ADAMTS2: variants seen among roughly 807,000 people sequenced by gnomAD.
ADAMTS2 encodes the protein ADAM metallopeptidase with thrombospondin type 1 motif 2.
ADAMTS2 carries 50 observed loss-of-function variants against 123.0 expected under a neutral mutation model. That is an observed-to-expected ratio of 0.41 (90% confidence interval 0.32 to 0.51). The LOEUF (loss-of-function observed/expected upper bound fraction) is 0.51, where lower values mean the gene tolerates loss of function less well. ADAMTS2 is among the 20% of genes least tolerant of loss of function. The pLI, the probability that ADAMTS2 is intolerant of heterozygous loss-of-function variation, is 0.35. For missense variants in ADAMTS2, 1,494 were observed against 1,705.2 expected (o/e 0.88, Z 2.18); for synonymous variants, 678 against 695.4 (o/e 0.98, Z 0.39).
chr5:179,257,869 T>C (rs931120681), intron 3 of ADAMTS2, among the ~76,000 whole-genome samples: 1 of 152,258 alleles, frequency 6.6e-6, no homozygotes, highest in South Asian at 2.1e-4. Context: ...TCACAAATTT[T>C]GAATTAGCTG....
intron 2 of ADAMTS2, among the ~76,000 whole-genome samples, chr5:179,280,819 A>G (rs183165811): frequency 6.4e-4 from 97 of 152,320 alleles, no homozygotes; most frequent in African/African-American, 2.2e-3. Flanking sequence ...TTAAAATGCA[A>G]CTGAAAAGGG....
rs1275622445 is a variant in ADAMTS2, at chr5:179,242,854, G to C, written c.688+30057C>G. Among the ~76,000 whole-genome samples, 1 of 152,202 alleles carries C rather than the reference G, an allele frequency of 6.6e-6. No homozygotes were observed. Among genetic ancestry groups the C allele is most frequent in the Non-Finnish European group, 1.5e-5 (1 of 68,036 alleles). On this transcript the variant is annotated intron_variant, in intron 3 of 21. Transcript: ENST00000251582. The surrounding 1 kb of genome is among the most constrained non-coding windows in gnomAD (Gnocchi z 4.2). ...TCCCAGTGACAGAGGGTAACTCCCT[G>C]CTGAGTGTGACCGAAAGGCCGGAGC...
chr5:179,127,516 G>T (rs577473261), intron 17 of ADAMTS2, among the ~76,000 whole-genome samples: 1 of 152,228 alleles, frequency 6.6e-6, no homozygotes, highest in East Asian at 1.9e-4. Flanking sequence ...AGAGTGGGTA[G>T]GACCCCTCTG....
rs756895686 is a variant in ADAMTS2, at chr5:179,117,901, C to A, written c.3179-3577G>T. Among the ~76,000 whole-genome samples the A allele has an allele frequency of 2.6e-5, 4 of 152,152 alleles. No homozygotes were observed. The highest frequency in any genetic ancestry group is 5.9e-5 in the Non-Finnish European group (4 of 68,030). ...CAGAGCTGAGTCCTGTGACAGAGAC[C>A]ATGTGGGCTCCAATGCCCAAAATAT... On this transcript the variant is annotated intron_variant, in intron 21 of 21. Coordinates refer to ENST00000251582, the MANE Select transcript of ADAMTS2 (RefSeq NM_014244.5). The surrounding 1 kb of genome is among the most constrained non-coding windows in gnomAD (Gnocchi z 4.2).
At position 179,125,149 on chromosome 5, in the gene ADAMTS2, G is replaced by A; in HGVS notation, c.2782C>T (p.Gln928Ter). The A allele has an allele frequency of 6.2e-7, 1 of 1,612,884 alleles. No individual in the cohort carries two copies. The highest frequency in any genetic ancestry group is 8.5e-7 in the Non-Finnish European group (1 of 1,179,924). The change falls in exon 19 of 22, where the codon CAG becomes TAG. Residue 928 changes from glutamine (Q) to a stop codon, truncating the protein, a stop_gained. Transcript: ENST00000251582. LOFTEE classifies it high-confidence loss of function. ...TGCATGCCTGTCCGCCCACAGGTCT[G>A]GCTACATGGCTCCCATTCGCCTGTG... ...WVTGEWEPCS[Q>*]TCGRTGMQVR... is the part of the protein sequence containing the mutation.
intron 5 of ADAMTS2, among the ~76,000 whole-genome samples, chr5:179,166,719 T>C (rs944659077): frequency 6.6e-6 from 1 of 152,178 alleles, no homozygotes; most frequent in South Asian, 2.1e-4. Flanking sequence ...ATGGGGCACC[T>C]ACTGGGGATG....
In ADAMTS2 at chr5:179,128,243, T is replaced by C. The variant is rs1191788616; in HGVS notation, c.2458-125A>G. 2 of 1,253,706 alleles carry C rather than the reference T, an allele frequency of 1.6e-6. No homozygotes were observed. Among genetic ancestry groups the C allele is most frequent in the Non-Finnish European group, 2.3e-6 (2 of 887,574 alleles). 77.7% of individuals were successfully genotyped at this position (1,253,706 alleles called of 1,614,324 possible). ...CATCATTCATGGCAGTTACATTCCA[T>C]GAAGTCGCCCCGAGCACCAAATTCT... On this transcript the variant is annotated intron_variant, in intron 16 of 21. Coordinates refer to ENST00000251582, the MANE Select transcript of ADAMTS2 (RefSeq NM_014244.5). This position sits in a 1 kb window ranked among gnomAD's most constrained non-coding sequence, Gnocchi z 4.9.
rs1765686068 is a variant in ADAMTS2 at position 179,242,222 on chromosome 5, GGA to G, written c.688+30687_688+30688del. Among the ~76,000 whole-genome samples, 1 of 152,346 alleles carries G rather than the reference GGA, an allele frequency of 6.6e-6. No individual in the cohort carries two copies. The highest frequency in any genetic ancestry group is 2.4e-5 in the African/African-American group (1 of 41,568). On this transcript the variant is annotated intron_variant, in intron 3 of 21. Coordinates refer to ENST00000251582, the MANE Select transcript of ADAMTS2 (RefSeq NM_014244.5). This position sits in a 1 kb window ranked among gnomAD's most constrained non-coding sequence, Gnocchi z 4.2. ...AGAAGAGAGCCAAGTCCTAGGAGGAGGAGAGACGCTGAGCCTTGGCAGCCTCG... is the reference window on the plus strand; with the variant it reads ...AGAAGAGAGCCAAGTCCTAGGAGGAGGAGACGCTGAGCCTTGGCAGCCTCG...
At position 179,234,400 on chromosome 5, in the gene ADAMTS2, GCTC is replaced by G. The variant is rs1005027831; in HGVS notation, c.689-26688_689-26686del. Among the ~76,000 whole-genome samples, 1 of 152,098 alleles carries G rather than the reference GCTC, an allele frequency of 6.6e-6. No individual in the cohort carries two copies. Among genetic ancestry groups the G allele is most frequent in the African/African-American group, 2.4e-5 (1 of 41,402 alleles). On this transcript the variant is annotated intron_variant, in intron 3 of 21. Transcript: ENST00000251582. This position sits in a 1 kb window ranked among gnomAD's most constrained non-coding sequence, Gnocchi z 4.7. ...CCCAGTCCACCGTGCCCTGGACGCT[GCTC>G]ATCCACTAGGACTGGGCTTCCGTGT...
intron 3 of ADAMTS2, among the ~76,000 whole-genome samples, chr5:179,208,324 T>C (rs942821011): frequency 1.3e-5 from 2 of 152,210 alleles, no homozygotes; most frequent in Non-Finnish European, 2.9e-5. Context: ...CTCCCAGAAC[T>C]TTCTGCTAAG....
At chr5:179,240,710 C>T (rs552524415) in intron 3 of ADAMTS2, among the ~76,000 whole-genome samples, 4 of 152,202 alleles carry the variant, frequency 2.6e-5, no homozygotes, top group Admixed American at 2.0e-4. Flanking sequence ...TCCCGTGACG[C>T]GTGTCAGTGC....
chr5:179,252,582 C>T (rs778733527), intron 3 of ADAMTS2, among the ~76,000 whole-genome samples: 1 of 151,636 alleles, frequency 6.6e-6, no homozygotes, highest in African/African-American at 2.4e-5. Context: ...GGGATTTTTG[C>T]TTTGGGGGCT....
intron 2 of ADAMTS2, 79 bp from the exon 3 acceptor site, chr5:179,273,143 G>C: frequency 6.2e-7 from 1 of 1,601,450 alleles, no homozygotes; most frequent in Non-Finnish European, 8.5e-7. Flanking sequence ...GACCCCCTCA[G>C]GGAGTACCTC....
At chr5:179,208,190 TCTC>T (rs1377425511) in intron 3 of ADAMTS2, among the ~76,000 whole-genome samples, 3 of 86,024 alleles carry the variant, frequency 3.5e-5, no homozygotes, top group Non-Finnish European at 5.9e-5. Context: ...AGCCACCTCT[TCTC>T]CCCCGAAGGG....
intron 5 of ADAMTS2, among the ~76,000 whole-genome samples, chr5:179,176,921 C>G (rs925180190): frequency 2.0e-5 from 3 of 152,030 alleles, no homozygotes; most frequent in African/African-American, 7.3e-5. Context: ...CAGAGCATCT[C>G]TATGCTGGTG....
At position 179,300,219 on chromosome 5, in the gene ADAMTS2, A is replaced by G. The variant is rs1219287472; in HGVS notation, c.535-27155T>C. ...ATCTGTAACCTTCACTGCCCCTGCT[A>G]TGTCACCTGATTTATTCCCAGGTTC... On this transcript the variant is annotated intron_variant, in intron 2 of 21. Transcript: ENST00000251582. 2.0e-5 allele frequency among the ~76,000 whole-genome samples: 3 copies of G among 151,992 alleles called. 1 individual carries two copies. Among genetic ancestry groups the G allele is most frequent in the Admixed American group, 2.0e-4 (3 of 15,260 alleles).
chr5:179,143,659 T>C (rs1315462153), intron 10 of ADAMTS2, among the ~76,000 whole-genome samples: 1 of 152,028 alleles, frequency 6.6e-6, no homozygotes, highest in African/African-American at 2.4e-5. Flanking sequence ...CAGAGGGAGC[T>C]AGCGAGGTCC....
intron 2 of ADAMTS2, among the ~76,000 whole-genome samples, chr5:179,280,082 A>C: frequency 6.6e-6 from 1 of 152,184 alleles, no homozygotes; most frequent in Middle Eastern, 3.2e-3. Flanking sequence ...AGTGACCACA[A>C]CAGAGTTGCC....
At chr5:179,215,284 A>G (rs1044963224) in intron 3 of ADAMTS2, among the ~76,000 whole-genome samples, 1 of 152,168 alleles carries the variant, frequency 6.6e-6, no homozygotes. Context: ...CCCTATCTCT[A>G]CTAAAAATAC....
Sources: gnomAD v4.1 joint callset for allele counts (sites outside exome capture counted in the v4.1 genomes callset) on GRCh38, gnomAD v4.1.1 for gene constraint, Gnocchi (gnomAD v3.1) non-coding constraint, MANE v1.5 for transcripts, NCBI Gene and HGNC (gene_info 2026-07-23, HGNC 2026-07-21) for gene names.